Variants in CNTN5 observed in about 807,000 individuals in gnomAD.
The protein encoded by CNTN5 is contactin-5.
Under a neutral mutation model 129.1 loss-of-function variants are expected in CNTN5, and 77 were observed. That is an observed-to-expected ratio of 0.60 (90% confidence interval 0.50 to 0.72). CNTN5 has a LOEUF of 0.72. CNTN5 is among the 30% of genes least tolerant of loss of function. The probability of loss-of-function intolerance (pLI) is 0.00; values close to 1 mark genes in which losing one functional copy is unlikely to be tolerated. For missense variants in CNTN5, 1,478 were observed against 1,328.8 expected, an observed-to-expected ratio of 1.11 and a Z score of -1.75; for synonymous variants, 509 against 465.6, an observed-to-expected ratio of 1.09 and a Z score of -1.20.
chr11:100,160,265 G>T (rs1947402417), intron 13 of CNTN5, among the ~76,000 whole-genome samples: 1 of 151,856 alleles, frequency 6.6e-6, no homozygotes, highest in Admixed American at 6.6e-5. Flanking sequence ...CTTTTTTATG[G>T]CTGCATAGTA....
intron 12 of CNTN5, among the ~76,000 whole-genome samples, chr11:100,073,150 G>A (rs935605182): frequency 2.1e-4 from 32 of 151,952 alleles, no homozygotes; most frequent in African/African-American, 7.2e-4. Flanking sequence ...GGGTTCAAGC[G>A]ATTCTCTTGC....
At chr11:99,660,228 A>T (rs181144763) in intron 3 of CNTN5, among the ~76,000 whole-genome samples, 4 of 152,158 alleles carry the variant, frequency 2.6e-5, no homozygotes, top group Non-Finnish European at 5.9e-5. Context: ...AGTGAAAAAA[A>T]TTATTTAATT....
chr11:99,723,851 A>G (rs1156573202), intron 3 of CNTN5, among the ~76,000 whole-genome samples: 1 of 152,176 alleles, frequency 6.6e-6, no homozygotes, highest in Non-Finnish European at 1.5e-5. Flanking sequence ...CCTTTTACAA[A>G]TGATGAAACT....
chr11:99,274,513 T>G (rs1315028883), intron 1 of CNTN5, among the ~76,000 whole-genome samples: 1 of 151,656 alleles, frequency 6.6e-6, no homozygotes, highest in African/African-American at 2.4e-5. Context: ...TAGTGTTTGA[T>G]ATATAATTAG....
intron 1 of CNTN5, among the ~76,000 whole-genome samples, chr11:99,186,009 AG>A (rs1055335992): frequency 6.6e-6 from 1 of 151,792 alleles, no homozygotes; most frequent in Non-Finnish European, 1.5e-5. Context: ...ATCAAAATAA[AG>A]GTTTATGAAT....
chr11:99,232,515 T>A (rs950061853), intron 1 of CNTN5, among the ~76,000 whole-genome samples: 1 of 152,196 alleles, frequency 6.6e-6, no homozygotes, highest in African/African-American at 2.4e-5. Flanking sequence ...TCCTGAGACT[T>A]TGCTGAAGTT....
intron 16 of CNTN5, among the ~76,000 whole-genome samples, chr11:100,242,489 G>C (rs1015492147): frequency 2.6e-5 from 4 of 152,142 alleles, no homozygotes; most frequent in Non-Finnish European, 5.9e-5. Context: ...GGCTGTACAG[G>C]AAGTATGGCT....
intron 1 of CNTN5, among the ~76,000 whole-genome samples, chr11:99,205,959 T>C (rs1171390942): frequency 2.0e-5 from 3 of 152,080 alleles, no homozygotes; most frequent in Non-Finnish European, 2.9e-5. Context: ...TGACTTGAAA[T>C]TAGTCTTGAT....
intron 2 of CNTN5, among the ~76,000 whole-genome samples, chr11:99,365,254 C>T (rs1012215071): frequency 6.6e-6 from 1 of 152,118 alleles, no homozygotes; most frequent in African/African-American, 2.4e-5. Flanking sequence ...CATAGAGTGG[C>T]TATATGGATT....
intron 2 of CNTN5, among the ~76,000 whole-genome samples, chr11:99,327,504 G>T (rs1224671431): frequency 2.6e-5 from 4 of 152,152 alleles, no homozygotes; most frequent in Non-Finnish European, 5.9e-5. Flanking sequence ...GTGGAATCAG[G>T]TTTGGCAGAG....
intron 6 of CNTN5, among the ~76,000 whole-genome samples, chr11:99,897,213 G>A (rs541108231): frequency 6.6e-6 from 1 of 152,128 alleles, no homozygotes; most frequent in South Asian, 2.1e-4. Flanking sequence ...AAAAGAAAAA[G>A]TAAACAACCT....
intron 13 of CNTN5, among the ~76,000 whole-genome samples, chr11:100,116,927 A>G (rs1201565087): frequency 6.6e-6 from 1 of 152,016 alleles, no homozygotes; most frequent in East Asian, 1.9e-4. Flanking sequence ...TGCAAATTGA[A>G]TTGCCTGCCT....
At chr11:100,138,741 G>C (rs1366868876) in intron 13 of CNTN5, among the ~76,000 whole-genome samples, 3 of 152,078 alleles carry the variant, frequency 2.0e-5, no homozygotes, top group Non-Finnish European at 4.4e-5. Context: ...TTGAGGAGGG[G>C]ATCATGATAT....
intron 3 of CNTN5, among the ~76,000 whole-genome samples, chr11:99,754,057 G>C (rs1258415855): frequency 1.3e-5 from 2 of 151,922 alleles, no homozygotes; most frequent in South Asian, 2.1e-4. Context: ...ATTTATGTGT[G>C]ACAGTCTGAG....
chr11:100,326,060 T>C (rs1407213748), intron 21 of CNTN5, among the ~76,000 whole-genome samples: 1 of 152,118 alleles, frequency 6.6e-6, no homozygotes, highest in East Asian at 1.9e-4. Context: ...GAGAATACAA[T>C]AAAATCAAAA....
intron 6 of CNTN5, among the ~76,000 whole-genome samples, chr11:99,899,662 T>A (rs1031556650): frequency 6.6e-6 from 1 of 152,082 alleles, no homozygotes. Flanking sequence ...TTGATGTTAA[T>A]CAGAAATATT....
chr11:99,032,366 A>G (rs1863437713), intron 1 of CNTN5, among the ~76,000 whole-genome samples: 2 of 150,780 alleles, frequency 1.3e-5, no homozygotes, highest in African/African-American at 4.9e-5. Context: ...TGGTTGAACT[A>G]GTTTACAGTC....
In CNTN5 at chr11:99,515,862, A is replaced by T. The variant is rs544870492; in HGVS notation, c.-70-40283A>T. On this transcript the variant is annotated intron_variant, in intron 2 of 24. Transcript: ENST00000524871. ...AATTGCTATTATCTCATACAAAATG[A>T]ATAATTGCTAGCTATGCTTTAAAAG... 3.9e-5 allele frequency among the ~76,000 whole-genome samples: 6 copies of T among 152,072 alleles called. No homozygotes were observed. In the East Asian group the frequency reaches 1.2e-3, roughly 29 times the overall value.
At chr11:100,152,431 C>CA (rs888798638) in intron 13 of CNTN5, among the ~76,000 whole-genome samples, 1 of 152,124 alleles carries the variant, frequency 6.6e-6, no homozygotes, top group Admixed American at 6.5e-5. Context: ...CAAAAGCAAA[C>CA]AAAAAACCCC....
Sources: gnomAD v4.1 joint callset for allele counts (sites outside exome capture counted in the v4.1 genomes callset) on GRCh38, gnomAD v4.1.1 for gene constraint, MANE v1.5 for transcripts, NCBI Gene and HGNC (gene_info 2026-07-23, HGNC 2026-07-21) for gene names.